SYNPO: variants seen among roughly 807,000 people sequenced by gnomAD.
The protein encoded by SYNPO is synaptopodin.
SYNPO carries 19 observed loss-of-function variants against 49.5 expected under a neutral mutation model. That is an observed-to-expected ratio of 0.38 (90% CI 0.27 to 0.56). The LOEUF (loss-of-function observed/expected upper bound fraction) is 0.56, where lower values mean the gene tolerates loss of function less well. SYNPO is among the 20% of genes least tolerant of loss of function. SYNPO has a pLI of 0.68. For synonymous variants in SYNPO, 536 were observed against 548.0 expected, an observed-to-expected ratio of 0.98 and a Z score of 0.31; for missense variants, 1,131 against 1,248.3, an observed-to-expected ratio of 0.91 and a Z score of 1.42.
chr5:150,651,331 T>C, intron 2 of SYNPO: 1 of 1,000,562 alleles, frequency 1.0e-6, no homozygotes, highest in South Asian at 4.7e-5. Flanking sequence ...TGTGTGACTT[T>C]GGCCCACTCA....
intron 1 of SYNPO, among the ~76,000 whole-genome samples, chr5:150,609,662 G>A (rs1756789988): frequency 6.6e-6 from 1 of 152,260 alleles, no homozygotes; most frequent in African/African-American, 2.4e-5. Context: ...GAGCCCCAAT[G>A]TATGCAACAG....
intron 1 of SYNPO, chr5:150,614,470 G>C (rs1472500436): frequency 6.6e-6 from 1 of 152,338 alleles, no homozygotes; most frequent in Non-Finnish European, 1.5e-5. Context: ...GAGGGAGAAG[G>C]GGAGGCTGAC....
At position 150,620,992 on chromosome 5, in the gene SYNPO, G is replaced by A. The variant is rs1233739875; in HGVS notation, c.400+2225G>A. ...TTTTGAGATGGTATTTTGCTCTGTC[G>A]CCCAGGCTGGAGTGCAGTGGCATGA... is the stretch of plus-strand genomic sequence containing the variant. On this transcript the variant is annotated intron_variant, in intron 2 of 2. Transcript: ENST00000394243. 8.5e-5 allele frequency among the ~76,000 whole-genome samples: 10 copies of A among 117,436 alleles called. No homozygotes were observed. In the South Asian group the frequency reaches 1.1e-3, roughly 12 times the overall value. 77.0% of individuals were successfully genotyped at this position (117,436 alleles called of 152,430 possible).
chr5:150,594,868 C>G, the SYNPO span, among the ~76,000 whole-genome samples: 2 of 152,138 alleles, frequency 1.3e-5, no homozygotes, highest in Non-Finnish European at 2.9e-5. Flanking sequence ...TCTGTCCAGA[C>G]CTCCATCAAC....
At chr5:150,632,373 A>G (rs1757569936) in intron 2 of SYNPO, among the ~76,000 whole-genome samples, 1 of 152,252 alleles carries the variant, frequency 6.6e-6, no homozygotes, top group African/African-American at 2.4e-5. Flanking sequence ...TTTAAACTTA[A>G]GATAAATGAA....
rs1758297026 is a variant in SYNPO, at chr5:150,649,961, G to A, written c.1686G>A (p.Gln562=). The change falls in exon 2 of 3, where the codon CAG becomes CAA. Residue 562 remains glutamine, a synonymous_variant. Transcript: ENST00000307662. ...NGVLRPEPTK[Q]PPYQLRPSLF... is the part of the protein sequence containing the mutation. ...TCCTGCGCCCAGAGCCCACCAAGCA[G>A]CCGCCATACCAGCTGCGCCCCTCGC... 6.2e-7 allele frequency: 1 copy of A among 1,612,558 alleles called. No individual in the cohort carries two copies. The highest frequency in any genetic ancestry group is 1.3e-5 in the African/African-American group (1 of 74,930).
At chr5:150,634,824 TAA>T (rs1363273612) in intron 2 of SYNPO, among the ~76,000 whole-genome samples, 1 of 84,480 alleles carries the variant, frequency 1.2e-5, no homozygotes, top group African/African-American at 4.6e-5. Context: ...AGACCCTGTC[TAA>T]AACACACACA....
chr5:150,594,679 T>C, the SYNPO span, among the ~76,000 whole-genome samples: 3 of 152,338 alleles, frequency 2.0e-5, no homozygotes, highest in African/African-American at 7.2e-5. Flanking sequence ...TCATCAAGTC[T>C]TTCAGTTCAC....
chr5:150,620,922 TTTCTTTCTTTCTTTCTTTC>T (rs1757142970), intron 2 of SYNPO, among the ~76,000 whole-genome samples: 1 of 142,018 alleles, frequency 7.0e-6, no homozygotes, highest in Admixed American at 6.9e-5. Context: ...TCTTTCTTTC[TTTCTTTCTTTCTTTCTTTC>T]TTTCTTTTCT....
intron 1 of SYNPO, among the ~76,000 whole-genome samples, chr5:150,617,480 G>A (rs566695430): frequency 1.2e-3 from 183 of 152,260 alleles, no homozygotes; most frequent in African/African-American, 4.3e-3. Context: ...ATTTTTAGTA[G>A]AGACAGCGTT....
chr5:150,615,868 A>G (rs989807675), intron 1 of SYNPO, among the ~76,000 whole-genome samples: 5 of 152,210 alleles, frequency 3.3e-5, no homozygotes, highest in African/African-American at 1.2e-4. Context: ...CACTTCACCT[A>G]TCTGAGCCTC....
chr5:150,605,199 A>G (rs1020091980), intron 1 of SYNPO, among the ~76,000 whole-genome samples: 1 of 152,092 alleles, frequency 6.6e-6, no homozygotes, highest in African/African-American at 2.4e-5. Flanking sequence ...GGCCTTTGTG[A>G]GTAGTGAGGT....
At chr5:150,654,835 ATAAT>A (rs1393264380) in intron 2 of SYNPO, among the ~76,000 whole-genome samples, 2 of 152,204 alleles carry the variant, frequency 1.3e-5, no homozygotes, top group Non-Finnish European at 2.9e-5. Context: ...TCCAACTTTA[ATAAT>A]AGTCGGCCAG....
At chr5:150,645,045 A>G (rs1372040966) in intron 1 of SYNPO, among the ~76,000 whole-genome samples, 3 of 152,188 alleles carry the variant, frequency 2.0e-5, no homozygotes, top group African/African-American at 7.2e-5. Flanking sequence ...GCTGCTGGTC[A>G]CAGCTTCTTT....
In SYNPO at chr5:150,657,117, G is replaced by A. The variant is rs761492463; in HGVS notation, c.*30G>A. ...CCACCCCCGACCCCACCCCGGGAGG[G>A]CAGAGCCAGAAGAAGGCTCATTAGA... On this transcript the variant is annotated 3_prime_UTR_variant, in exon 3 of 3. Coordinates refer to ENST00000307662, the MANE Select transcript of SYNPO (RefSeq NM_007286.6). 6.5e-6 allele frequency: 10 copies of A among 1,547,976 alleles called. No individual in the cohort carries two copies. The South Asian group carries it at 1.2e-4, about 18-fold the overall frequency.
At chr5:150,609,336 C>T (rs779845878) in intron 1 of SYNPO, among the ~76,000 whole-genome samples, 1 of 152,080 alleles carries the variant, frequency 6.6e-6, no homozygotes, top group Admixed American at 6.5e-5. Context: ...CTCTTGTCGC[C>T]CAGGCTGGAG....
At chr5:150,611,411 C>G (rs972649357) in intron 1 of SYNPO, among the ~76,000 whole-genome samples, 8 of 152,226 alleles carry the variant, frequency 5.3e-5, no homozygotes, top group African/African-American at 1.7e-4. Flanking sequence ...AGGGACTCAT[C>G]TGAAGTTACC....
At chr5:150,588,597 C>T in the SYNPO span, among the ~76,000 whole-genome samples, 1 of 152,016 alleles carries the variant, frequency 6.6e-6, no homozygotes, top group Non-Finnish European at 1.5e-5. Flanking sequence ...AAGGGGATCT[C>T]AGTCTGTCTA....
intron 2 of SYNPO, among the ~76,000 whole-genome samples, chr5:150,631,819 C>G (rs924895328): frequency 6.6e-6 from 1 of 152,212 alleles, no homozygotes; most frequent in Non-Finnish European, 1.5e-5. Flanking sequence ...CCCAGCAGGC[C>G]TCAGATGCAA....
Sources: gnomAD v4.1 joint callset for allele counts (sites outside exome capture counted in the v4.1 genomes callset) on GRCh38, gnomAD v4.1.1 for gene constraint, MANE v1.5 for transcripts, NCBI Gene and HGNC (gene_info 2026-07-23, HGNC 2026-07-21) for gene names.